Variants in NAA35 observed in about 807,000 individuals in gnomAD.
NAA35 encodes MAK10 homolog, amino-acid N-acetyltransferase subunit.
NAA35 carries 18 observed loss-of-function variants against 101.7 expected under a neutral mutation model. The ratio of observed to expected loss-of-function variants is 0.18; its 90% CI spans 0.12 to 0.26. The LOEUF (loss-of-function observed/expected upper bound fraction) is 0.26, where lower values mean the gene tolerates loss of function less well. Among genes scored for constraint, NAA35 ranks in the 10% least tolerant of loss-of-function variants. NAA35 has a pLI of 1.00. For synonymous variants in NAA35, 267 were observed against 273.1 expected (o/e 0.98, Z 0.22); for missense variants, 601 against 886.8 (o/e 0.68, Z 4.09).
Position 85,992,436 on chromosome 9 carries a change from A to G in NAA35, c.878-3963A>G, listed in dbSNP as rs536065069. Among the ~76,000 whole-genome samples, 11 of 152,268 alleles carry G rather than the reference A, an allele frequency of 7.2e-5. No homozygotes were observed. The South Asian group carries it at 2.3e-3, about 32-fold the overall frequency. On this transcript the variant is annotated intron_variant, in intron 11 of 22. Transcript: ENST00000361671. ...ACCCCCAAATACTTATTAATTTCAA[A>G]GGGAAAGGGAGTAACTACAATGAAG...
At chr9:85,999,510 G>T (rs978293634) in intron 12 of NAA35, among the ~76,000 whole-genome samples, 3 of 152,154 alleles carry the variant, frequency 2.0e-5, no homozygotes, top group African/African-American at 7.2e-5. Flanking sequence ...GTTGTGACAG[G>T]CTCCTGATAT....
intron 6 of NAA35, among the ~76,000 whole-genome samples, chr9:85,967,031 C>T (rs1012624180): frequency 6.6e-5 from 10 of 151,608 alleles, no homozygotes; most frequent in East Asian, 5.9e-4. Context: ...CGCTTGAACC[C>T]GGGAGGCTGA....
At chr9:85,954,172 C>A (rs1829140014) in intron 2 of NAA35, among the ~76,000 whole-genome samples, 1 of 152,108 alleles carries the variant, frequency 6.6e-6, no homozygotes, top group Admixed American at 6.6e-5. Context: ...CCTCAAACTA[C>A]AGGGTTCAAG....
intron 2 of NAA35, among the ~76,000 whole-genome samples, chr9:85,953,878 CTG>C (rs1829128193): frequency 6.6e-6 from 1 of 152,138 alleles, no homozygotes; most frequent in African/African-American, 2.4e-5. Context: ...CTTTTTAAGA[CTG>C]AATAATATTC....
chr9:86,006,124 C>G (rs759017127), intron 13 of NAA35, among the ~76,000 whole-genome samples: 1 of 151,624 alleles, frequency 6.6e-6, no homozygotes, highest in South Asian at 2.1e-4. Flanking sequence ...AAGCCAAGAT[C>G]GCACCACTGC....
intron 12 of NAA35, among the ~76,000 whole-genome samples, chr9:86,000,421 T>G (rs1427145842): frequency 1.3e-5 from 2 of 151,300 alleles, no homozygotes; most frequent in East Asian, 3.9e-4. Flanking sequence ...ATAGAAGGAG[T>G]TGGGGAGAAG....
chr9:85,970,599 T>G (rs1032466311), intron 6 of NAA35, among the ~76,000 whole-genome samples: 1 of 152,162 alleles, frequency 6.6e-6, no homozygotes, highest in Non-Finnish European at 1.5e-5. Flanking sequence ...AAATATGATA[T>G]AACTTAAATT....
chr9:86,024,351 G>A lies in NAA35; in HGVS notation c.*2391G>A, dbSNP rs149039030. Among the ~76,000 whole-genome samples, 797 of 152,270 alleles carry A rather than the reference G, an allele frequency of 5.2e-3. 3 individuals are homozygous for A. Among genetic ancestry groups the A allele is most frequent in the Non-Finnish European group, 8.5e-3 (576 of 68,020 alleles). The stretch of plus-strand genomic sequence containing the variant: ...AGAGCAGGAAAAGGATGGCGGAGAT[G>A]AGAGGCAAGGAGAAGCCGATACCCA... On this transcript the variant is annotated 3_prime_UTR_variant, in exon 23 of 23. Coordinates refer to ENST00000361671, the MANE Select transcript of NAA35 (RefSeq NM_024635.4).
At chr9:86,017,900 G>A (rs1201095768) in intron 19 of NAA35, among the ~76,000 whole-genome samples, 4 of 152,186 alleles carry the variant, frequency 2.6e-5, no homozygotes, top group Non-Finnish European at 4.4e-5. Context: ...GCAAGGCTTC[G>A]TGGAAGAGAT....
intron 22 of NAA35, among the ~76,000 whole-genome samples, chr9:86,021,418 G>A (rs1468651460): frequency 1.3e-5 from 2 of 152,272 alleles, no homozygotes; most frequent in South Asian, 2.1e-4. Context: ...GAGATTCTGC[G>A]CTGTGGAGAG....
intron 17 of NAA35, chr9:86,014,328 A>T: frequency 8.6e-6 from 7 of 814,558 alleles, no homozygotes; most frequent in Non-Finnish European, 1.0e-5. Flanking sequence ...GGTGCTGAGG[A>T]TTCACTTCAG....
chr9:85,954,548 G>T (rs1267735300), intron 2 of NAA35, among the ~76,000 whole-genome samples: 1 of 152,150 alleles, frequency 6.6e-6, no homozygotes, highest in Non-Finnish European at 1.5e-5. Flanking sequence ...GTGTAAGGTG[G>T]TGTCATTGTA....
chr9:85,970,893 A>G (rs959462858), intron 6 of NAA35, among the ~76,000 whole-genome samples: 3 of 152,228 alleles, frequency 2.0e-5, no homozygotes, highest in Non-Finnish European at 2.9e-5. Flanking sequence ...ATAGTCTGCA[A>G]CTTAATCTTG....
At chr9:85,969,545 A>C (rs940663122) in intron 6 of NAA35, among the ~76,000 whole-genome samples, 3 of 152,206 alleles carry the variant, frequency 2.0e-5, no homozygotes, top group Non-Finnish European at 4.4e-5. Context: ...TTACATCAGC[A>C]TGCAAACGTG....
At chr9:86,017,245 AATCT>A (rs1832273529) in intron 18 of NAA35, among the ~76,000 whole-genome samples, 2 of 152,234 alleles carry the variant, frequency 1.3e-5, no homozygotes, top group South Asian at 2.1e-4. Context: ...TAAGAGGTTA[AATCT>A]CTGGTGAATT....
At chr9:85,997,930 T>G (rs1831242555) in intron 12 of NAA35, among the ~76,000 whole-genome samples, 1 of 152,074 alleles carries the variant, frequency 6.6e-6, no homozygotes, top group Admixed American at 6.5e-5. Context: ...GTTTGTTTGT[T>G]TTGAGACAGA....
At chr9:85,996,346 T>C in intron 11 of NAA35, 53 bp from the exon 12 acceptor site, 1 of 1,272,650 alleles carries the variant, frequency 7.9e-7, no homozygotes. Flanking sequence ...ACATTTGCAG[T>C]TTAAAATTCA....
In NAA35 at chr9:85,970,390, T is replaced by A. The variant is rs926338007; in HGVS notation, c.517-4577T>A. Among the ~76,000 whole-genome samples the A allele has an allele frequency of 5.3e-5, 8 of 152,172 alleles. No individual in the cohort carries two copies. In the East Asian group the frequency reaches 1.5e-3, roughly 29 times the overall value. ...GTATAATGAGACACCACAGGATATA[T>A]ACCTAGTCTCAAAATATCTTTCCAC... is the stretch of plus-strand genomic sequence containing the variant. On this transcript the variant is annotated intron_variant, in intron 6 of 22. Coordinates refer to ENST00000361671, the MANE Select transcript of NAA35 (RefSeq NM_024635.4).
At chr9:85,978,651 T>G (rs549918990) in intron 11 of NAA35, among the ~76,000 whole-genome samples, 34 of 151,090 alleles carry the variant, frequency 2.3e-4, no homozygotes, top group South Asian at 1.2e-3. Flanking sequence ...TCTGGCAGCT[T>G]CTTCTTGCTG....
Sources: gnomAD v4.1 joint callset for allele counts (sites outside exome capture counted in the v4.1 genomes callset) on GRCh38, gnomAD v4.1.1 for gene constraint, MANE v1.5 for transcripts, NCBI Gene and HGNC (gene_info 2026-07-23, HGNC 2026-07-21) for gene names.